Variants in KCP observed in about 807,000 individuals in gnomAD.
The protein encoded by KCP is kielin/chordin-like protein.
A neutral mutation model predicts 212.7 loss-of-function variants in KCP; 194 were observed. That is an observed-to-expected ratio of 0.91 (90% CI 0.81 to 1.03). KCP has a LOEUF of 1.03. KCP is among the 50% of genes least tolerant of loss of function. The pLI, the probability that KCP is intolerant of heterozygous loss-of-function variation, is 0.00. For missense variants in KCP, 2,080 were observed against 2,162.5 expected (o/e 0.96, Z 0.76); for synonymous variants, 833 against 865.3 (o/e 0.96, Z 0.65).
Position 128,890,351 on chromosome 7 carries a change from T to C in KCP, c.2327A>G (p.Asp776Gly), listed in dbSNP as rs1277660877. Residue 776 changes from aspartate (D) to glycine (G), a missense_variant, in exon 21 of 40, where the codon GAC (aspartate) becomes GGC (glycine). Coordinates refer to ENST00000610776, the MANE Select transcript of KCP (RefSeq NM_001366122.1). ...PFPARGDCCPDCDGCEYLGES... is the reference protein window; with the variant it reads ...PFPARGDCCPGCDGCEYLGES... ...TATCCCATGACCCTCACCATCACAGTCAGGGCAGCAGTCGCCCCTGGCAGG... is the reference window on the plus strand; with the variant it reads ...TATCCCATGACCCTCACCATCACAGCCAGGGCAGCAGTCGCCCCTGGCAGG... 6.4e-7 allele frequency: 1 copy of C among 1,551,478 alleles called. No homozygotes were observed. Among genetic ancestry groups the C allele is most frequent in the Non-Finnish European group, 8.7e-7 (1 of 1,146,976 alleles).
intron 5 of KCP, among the ~76,000 whole-genome samples, chr7:128,905,752 T>C (rs1795091744): frequency 1.3e-5 from 2 of 152,178 alleles, no homozygotes; most frequent in Middle Eastern, 6.8e-3. Flanking sequence ...CCTTCCCACA[T>C]GGACTTCCTG....
intron 7 of KCP, chr7:128,903,275 G>T: frequency 3.7e-6 from 1 of 267,594 alleles, no homozygotes. Context: ...AGGGCCACCT[G>T]GGGACCAGCT....
Position 128,877,290 on chromosome 7 carries a change from C to G in KCP, c.4640G>C (p.Arg1547Pro). Residue 1547 changes from arginine to proline, a missense_variant, in exon 40 of 40, where the codon CGT becomes CCT. By Grantham distance (103) the Arg-to-Pro change is moderately radical. Coordinates refer to ENST00000610776, the MANE Select transcript of KCP (RefSeq NM_001366122.1). The part of the protein sequence containing the change: ...TLCVVGCPLE[R>P]GFVFDECGPP... ...GCCGCACTCATCAAACACGAAGCCA[C>G]GCTCCAGGGGGCAGCCTACCACTGC... is the stretch of plus-strand genomic sequence containing the variant. The G allele has an allele frequency of 6.6e-7, 1 of 1,512,694 alleles. No individual in the cohort carries two copies. Among genetic ancestry groups the G allele is most frequent in the Non-Finnish European group, 8.8e-7 (1 of 1,134,024 alleles). The allele number at this position is 1,512,694 out of a possible 1,614,324, so 93.7% of individuals were successfully genotyped here. A position where few individuals can be genotyped will look rare whatever the true frequency, so the allele number is the denominator to read the frequency against.
rs1795391920 is a variant in KCP at position 128,910,703 on chromosome 7, G to A, written c.-27C>T. 2 of 1,467,056 alleles carry A rather than the reference G, an allele frequency of 1.4e-6. No homozygotes were observed. Among genetic ancestry groups the A allele is most frequent in the Admixed American group, 2.4e-5 (1 of 41,760 alleles). 90.9% of individuals were successfully genotyped at this position (1,467,056 alleles called of 1,614,324 possible). A position where few individuals can be genotyped will look rare whatever the true frequency, so the allele number is the denominator to read the frequency against. ...CTAGCTCCGCCTCGCTCGGCTCGCC[G>A]TCTGTCGTCGCGGCTCAGCAGGCGC... On this transcript the variant is annotated 5_prime_UTR_variant, in exon 1 of 40. In the 5' UTR this introduces an upstream ATG that the reference lacks. Coordinates refer to ENST00000610776, the MANE Select transcript of KCP (RefSeq NM_001366122.1).
chr7:128,888,947 C>G lies in KCP; in HGVS notation c.2428G>C (p.Val810Leu). ...TCACAGGGCCGGCGGCCGCAGGTCA[C>G]GAAGCCTCCAAGACAGGTACACAGG... is the stretch of plus-strand genomic sequence containing the variant. ...CNLCTCLGGF[V>L]TCGRRPCEPP... is the part of the protein sequence containing the mutation. The change falls in exon 22 of 40, where the codon GTG becomes CTG. Residue 810 changes from valine (V) to leucine (L), a missense_variant. Physicochemically the swap from Val to Leu is conservative, Grantham distance 32. Coordinates refer to ENST00000610776, the MANE Select transcript of KCP (RefSeq NM_001366122.1). 1 of 1,550,074 alleles carries G rather than the reference C, an allele frequency of 6.5e-7. No individual in the cohort carries two copies. Among genetic ancestry groups the G allele is most frequent in the Non-Finnish European group, 8.7e-7 (1 of 1,146,552 alleles).
At chr7:128,893,152 T>C in intron 13 of KCP, 86 bp downstream of exon 13, 1 of 1,359,780 alleles carries the variant, frequency 7.4e-7, no homozygotes. Flanking sequence ...TAGCAACCCG[T>C]ACCCCGTCCT....
chr7:128,880,200 G>A, intron 34 of KCP, 115 bp from the exon 35 acceptor site: 3 of 1,305,820 alleles, frequency 2.3e-6, no homozygotes, highest in Non-Finnish European at 2.1e-6. Flanking sequence ...CAGGACTCTG[G>A]CTCCCAGGCT....
chr7:128,881,567 C>T (rs1223548267), intron 31 of KCP, 59 bp downstream of exon 31: 9 of 1,260,640 alleles, frequency 7.1e-6, no homozygotes, highest in Non-Finnish European at 9.5e-6. Context: ...GAATGCCTCC[C>T]CTTCCTGTGT....
intron 7 of KCP, 38 bp downstream of exon 7, chr7:128,903,689 A>G: frequency 6.8e-7 from 1 of 1,477,684 alleles, no homozygotes; most frequent in South Asian, 1.3e-5. Flanking sequence ...ACGACAACCT[A>G]CCTGTGGCTC....
rs986483175 is a variant in KCP, at chr7:128,891,599, G to T, written c.1795+47C>A. ...CCCCAGGGCGTGCTGCCTTCCGGGG[G>T]CCATGCCATCCCATCCCAGAAGGCC... On this transcript the variant is annotated intron_variant, in intron 17 of 39. Coordinates refer to ENST00000610776, the MANE Select transcript of KCP (RefSeq NM_001366122.1). 4 of 1,514,504 alleles carry T rather than the reference G, an allele frequency of 2.6e-6. No individual in the cohort carries two copies. In the South Asian group the frequency reaches 3.8e-5, roughly 14 times the overall value. 93.8% of individuals were successfully genotyped at this position (1,514,504 alleles called of 1,614,324 possible). A position where few individuals can be genotyped will look rare whatever the true frequency, so the allele number is the denominator to read the frequency against.
At position 128,880,322 on chromosome 7, in the gene KCP, C is replaced by G. The variant is rs1793249889; in HGVS notation, c.3759+64G>C. Reference sequence around the variant, plus strand: ...CTCCCTCTCTGATGCCTGGTCACACCAGGATGGCGGTACCATGTGCCCCCA... The same window carrying G: ...CTCCCTCTCTGATGCCTGGTCACACGAGGATGGCGGTACCATGTGCCCCCA... On this transcript the variant is annotated intron_variant, in intron 34 of 39. Transcript: ENST00000610776. The G allele has an allele frequency of 2.7e-6, 4 of 1,468,552 alleles. No individual in the cohort carries two copies. In the Admixed American group the frequency reaches 9.3e-5, roughly 34 times the overall value. 91.0% of individuals were successfully genotyped at this position (1,468,552 alleles called of 1,614,324 possible). A position where few individuals can be genotyped will look rare whatever the true frequency, so the allele number is the denominator to read the frequency against.
At chr7:128,910,317 G>A (rs926143097) in intron 1 of KCP, among the ~76,000 whole-genome samples, 4 of 152,154 alleles carry the variant, frequency 2.6e-5, no homozygotes, top group Non-Finnish European at 2.9e-5. Context: ...CCTTCGTCAA[G>A]ACAAATAATT....
chr7:128,899,044 A>C (rs35358431), intron 8 of KCP, among the ~76,000 whole-genome samples: 4,316 of 152,340 alleles, frequency 0.028, 117 homozygotes, highest in Admixed American at 0.076. Context: ...GCACCCGTGC[A>C]ACAGTGACAT....
intron 8 of KCP, among the ~76,000 whole-genome samples, chr7:128,896,551 T>A (rs1025738432): frequency 3.6e-4 from 54 of 151,964 alleles, no homozygotes; most frequent in African/African-American, 1.3e-3. Context: ...CGGAGCTTTT[T>A]CCTCCCTAAA....
In KCP at chr7:128,877,106, G is replaced by A; in HGVS notation, c.4824C>T (p.Leu1608=). The A allele has an allele frequency of 6.6e-7, 1 of 1,517,754 alleles. No individual in the cohort carries two copies. The highest frequency in any genetic ancestry group is 1.4e-5 in the African/African-American group (1 of 70,998). The allele number at this position is 1,517,754 out of a possible 1,614,324, so 94.0% of individuals were successfully genotyped here. A position where few individuals can be genotyped will look rare whatever the true frequency, so the allele number is the denominator to read the frequency against. The change falls in exon 40 of 40, where the codon CTC becomes CTT. Residue 1608 remains leucine (L), a synonymous_variant. Coordinates refer to ENST00000610776, the MANE Select transcript of KCP (RefSeq NM_001366122.1). ...IPPEACPQVL[L]TGDQPLGARP... ...GAGCACCAAGTGGCTGGTCTCCAGT[G>A]AGCAGGACTTGGGGGCAGGCCTCGG...
chr7:128,892,955 G>A lies in KCP; in HGVS notation c.1334C>T (p.Thr445Ile), dbSNP rs1274196478. The change falls in exon 14 of 40, where the codon ACC becomes ATC. Residue 445 changes from threonine to isoleucine, a missense_variant. Transcript: ENST00000610776. ...TACCCCATCTTGACAGACGCAGGCG[G>A]TGCAGGGCCGACCATCAGGCTCCCA... ...VQWEPDGRPC[T>I]ACVCQDGVPK... The A allele has an allele frequency of 7.5e-7, 1 of 1,327,536 alleles. No individual in the cohort carries two copies. Among genetic ancestry groups the A allele is most frequent in the Non-Finnish European group, 1.1e-6 (1 of 942,484 alleles). The allele number at this position is 1,327,536 out of a possible 1,614,324, so 82.2% of individuals were successfully genotyped here. A position where few individuals can be genotyped will look rare whatever the true frequency, so the allele number is the denominator to read the frequency against.
At position 128,888,964 on chromosome 7, in the gene KCP, G is replaced by A. The variant is rs999343515; in HGVS notation, c.2411C>T (p.Thr804Ile). 1.9e-6 allele frequency: 3 copies of A among 1,550,084 alleles called. No homozygotes were observed. Among genetic ancestry groups the A allele is most frequent in the African/African-American group, 2.7e-5 (2 of 72,898 alleles). Residue 804 changes from threonine to isoleucine, a missense_variant, in exon 22 of 40, where the codon ACC becomes ATC. Coordinates refer to ENST00000610776, the MANE Select transcript of KCP (RefSeq NM_001366122.1). ...GCAGGTCACGAAGCCTCCAAGACAG[G>A]TACACAGGTTGCAGGGTTCTCGGGG... ...PDPREPCNLC[T>I]CLGGFVTCGR...
At chr7:128,902,944 A>G in intron 7 of KCP, 85 bp from the exon 8 acceptor site, 1 of 1,012,604 alleles carries the variant, frequency 9.9e-7, no homozygotes, top group Admixed American at 2.0e-5. Context: ...CCTTGTCCAC[A>G]TGCCCTCTGA....
At position 128,902,875 on chromosome 7, in the gene KCP, TGAG is replaced by T; in HGVS notation, c.749-19_749-17del. ...TCTGTGCAGCCTAGGGTTGAGGGGT[TGAG>T]AAGAGGGAGGCCTGGTGGGAGCTGG... On this transcript the variant is annotated splice_polypyrimidine_tract_variant and intron_variant, in intron 7 of 39. Transcript: ENST00000610776. 1.3e-6 allele frequency: 2 copies of T among 1,547,596 alleles called. No individual in the cohort carries two copies. Among genetic ancestry groups the T allele is most frequent in the South Asian group, 1.2e-5 (1 of 83,990 alleles).
Sources: gnomAD v4.1 joint callset for allele counts (sites outside exome capture counted in the v4.1 genomes callset) on GRCh38, gnomAD v4.1.1 for gene constraint, MANE v1.5 for transcripts, NCBI Gene and HGNC (gene_info 2026-07-23, HGNC 2026-07-21) for gene names.